NRXN3: variants seen among roughly 807,000 people sequenced by gnomAD.
The protein encoded by NRXN3 is neurexin 3, also known as neurexin III.
NRXN3 carries 32 observed loss-of-function variants against 137.6 expected under a neutral mutation model. That is an observed-to-expected ratio of 0.23 (90% CI 0.18 to 0.31). NRXN3 has a LOEUF of 0.31. NRXN3 is among the 10% of genes least tolerant of loss of function. The pLI is 1.00. For missense variants in NRXN3, 1,574 were observed against 2,062.5 expected, an observed-to-expected ratio of 0.76 and a Z score of 4.59; for synonymous variants, 798 against 784.5, an observed-to-expected ratio of 1.02 and a Z score of -0.29.
chr14:78,979,762 C>T (rs1487163316), intron 14 of NRXN3, among the ~76,000 whole-genome samples: 3 of 152,142 alleles, frequency 2.0e-5, no homozygotes, highest in Non-Finnish European at 2.9e-5. Flanking sequence ...AGAAGGCAAA[C>T]GAGGAGCAAA....
At position 78,868,713 on chromosome 14, in the gene NRXN3, C is replaced by CA. The variant is rs1437141219; in HGVS notation, c.2275+58370dup. On this transcript the variant is annotated intron_variant, in intron 10 of 20. Transcript: ENST00000335750. Reference sequence around the variant, plus strand: ...GTGCATGCCTGTAATCCCAGCTACTCAGGAGCCTAAGGCAGGAGAATCACT... The same window carrying CA: ...GTGCATGCCTGTAATCCCAGCTACTCAAGGAGCCTAAGGCAGGAGAATCACT... Among the ~76,000 whole-genome samples, 7 of 152,058 alleles carry CA rather than the reference C, an allele frequency of 4.6e-5. No homozygotes were observed. In the South Asian group the frequency reaches 8.3e-4, roughly 18 times the overall value.
chr14:79,750,257 A>G (rs1275126881), intron 19 of NRXN3, among the ~76,000 whole-genome samples: 2 of 152,162 alleles, frequency 1.3e-5, no homozygotes, highest in South Asian at 2.1e-4. Flanking sequence ...GTGACAAACC[A>G]GGGAGAAGTA....
chr14:78,386,061 C>CAA (rs5809884), intron 4 of NRXN3, among the ~76,000 whole-genome samples: 9 of 151,688 alleles, frequency 5.9e-5, no homozygotes, highest in East Asian at 5.8e-4. Context: ...AACAAAAGAG[C>CAA]AAAAAAAGTC....
intron 16 of NRXN3, among the ~76,000 whole-genome samples, chr14:79,567,503 AG>A (rs2097561415): frequency 6.6e-6 from 1 of 152,050 alleles, no homozygotes; most frequent in African/African-American, 2.4e-5. Context: ...GATCCAGTTT[AG>A]GTAATTGCTA....
At chr14:78,315,922 T>C (rs1253731877) in intron 4 of NRXN3, among the ~76,000 whole-genome samples, 1 of 152,232 alleles carries the variant, frequency 6.6e-6, no homozygotes, top group East Asian at 1.9e-4. Flanking sequence ...TTTGTAGATA[T>C]ATCTTAATCT....
At chr14:79,290,947 T>C (rs1016676021) in intron 15 of NRXN3, among the ~76,000 whole-genome samples, 9 of 152,204 alleles carry the variant, frequency 5.9e-5, no homozygotes, top group African/African-American at 2.2e-4. Flanking sequence ...AGCCACTTTC[T>C]GATACATTTA....
chr14:79,185,606 C>A (rs2063441950), intron 15 of NRXN3, among the ~76,000 whole-genome samples: 1 of 152,012 alleles, frequency 6.6e-6, no homozygotes, highest in Non-Finnish European at 1.5e-5. Context: ...GCTGGGACTA[C>A]AGGCGCCCGC....
intron 15 of NRXN3, among the ~76,000 whole-genome samples, chr14:79,101,714 T>C (rs1241863734): frequency 1.3e-5 from 2 of 152,210 alleles, no homozygotes; most frequent in Non-Finnish European, 2.9e-5. Context: ...CCCAAAAGGA[T>C]ATGTCAAAGA....
chr14:78,940,051 C>T (rs1233767250), intron 10 of NRXN3, among the ~76,000 whole-genome samples: 1 of 152,162 alleles, frequency 6.6e-6, no homozygotes, highest in Non-Finnish European at 1.5e-5. Flanking sequence ...ACAAAGTTTT[C>T]AGTACAGCAG....
chr14:79,565,325 G>A (rs1056682303), intron 16 of NRXN3, among the ~76,000 whole-genome samples: 2 of 139,476 alleles, frequency 1.4e-5, no homozygotes, highest in African/African-American at 2.7e-5. Context: ...ACATGTGTGT[G>A]TATATATATA....
At chr14:79,504,837 C>T (rs1350864844) in intron 16 of NRXN3, among the ~76,000 whole-genome samples, 7 of 151,686 alleles carry the variant, frequency 4.6e-5, no homozygotes, top group Admixed American at 2.6e-4. Context: ...ATTTGAAAAG[C>T]ATAAAGTAAA....
At chr14:78,395,374 C>T (rs10131390) in intron 4 of NRXN3, among the ~76,000 whole-genome samples, 79,293 of 151,680 alleles carry the variant, frequency 0.52, 21,144 homozygotes, top group Middle Eastern at 0.63. Flanking sequence ...TTCATTTGGT[C>T]TAATGTTGGT....
chr14:78,282,309 A>C (rs2074514317), intron 3 of NRXN3: 5 of 390,062 alleles, frequency 1.3e-5, no homozygotes, highest in Admixed American at 2.7e-5. Context: ...GGAAGAGGGA[A>C]GAGTAGTGGG....
intron 15 of NRXN3, among the ~76,000 whole-genome samples, chr14:79,127,640 G>T (rs2056751760): frequency 6.6e-6 from 1 of 152,112 alleles, no homozygotes; most frequent in African/African-American, 2.4e-5. Flanking sequence ...TTTGGCTTAG[G>T]ATTGACTTGG....
intron 4 of NRXN3, among the ~76,000 whole-genome samples, chr14:78,542,122 G>T (rs898645594): frequency 1.3e-5 from 2 of 152,190 alleles, no homozygotes; most frequent in Non-Finnish European, 2.9e-5. Context: ...TAGGCTACAC[G>T]GGGGTCAGGG....
intron 4 of NRXN3, among the ~76,000 whole-genome samples, chr14:78,479,856 G>A (rs2095442963): frequency 6.6e-6 from 1 of 152,044 alleles, no homozygotes; most frequent in African/African-American, 2.4e-5. Flanking sequence ...CAAATTTGGG[G>A]AAATAAGGCT....
At chr14:78,778,746 CTTTCCTTCTT>C (rs2098755268) in intron 8 of NRXN3, among the ~76,000 whole-genome samples, 2 of 120,588 alleles carry the variant, frequency 1.7e-5, no homozygotes, top group African/African-American at 3.3e-5. Flanking sequence ...CTCTTTCTTT[CTTTCCTTCTT>C]TCTCTTTCTT....
At chr14:78,240,371 A>T (rs370207763) in intron 1 of NRXN3, among the ~76,000 whole-genome samples, 1 of 152,186 alleles carries the variant, frequency 6.6e-6, no homozygotes, top group Non-Finnish European at 1.5e-5. Context: ...TTCCTTCTCT[A>T]TGAGGAACAT....
intron 16 of NRXN3, among the ~76,000 whole-genome samples, chr14:79,650,952 G>A (rs1034123959): frequency 1.3e-5 from 2 of 152,186 alleles, no homozygotes; most frequent in Non-Finnish European, 2.9e-5. Flanking sequence ...AGAAATCACT[G>A]CATTACAGAA....
Sources: gnomAD v4.1 joint callset for allele counts (sites outside exome capture counted in the v4.1 genomes callset) on GRCh38, gnomAD v4.1.1 for gene constraint, MANE v1.5 for transcripts, NCBI Gene and HGNC (gene_info 2026-07-23, HGNC 2026-07-21) for gene names.